Variants in PPA1 observed in about 807,000 individuals in gnomAD.
PPA1 encodes inorganic pyrophosphatase 1.
A neutral mutation model predicts 41.8 loss-of-function variants in PPA1; 23 were observed. The ratio of observed to expected loss-of-function variants is 0.55; its 90% CI spans 0.40 to 0.78. The LOEUF (loss-of-function observed/expected upper bound fraction) is 0.78, where lower values mean the gene tolerates loss of function less well. Ranked by LOEUF, PPA1 falls within the 30% of genes least tolerant of loss-of-function variation. The pLI is 0.00. For missense variants in PPA1, 320 were observed against 361.6 expected, an observed-to-expected ratio of 0.89 and a Z score of 0.93; for synonymous variants, 101 against 116.8, an observed-to-expected ratio of 0.86 and a Z score of 0.87.
chr10:70,221,401 T>C (rs1184427448), intron 2 of PPA1, among the ~76,000 whole-genome samples: 1 of 151,974 alleles, frequency 6.6e-6, no homozygotes, highest in Non-Finnish European at 1.5e-5. Context: ...CCAAGCCTCC[T>C]GATACCTCAC....
In PPA1 at chr10:70,233,421, G is replaced by A. The variant is rs1840316259; in HGVS notation, c.-94C>T. 6.8e-7 allele frequency: 1 copy of A among 1,470,976 alleles called. No homozygotes were observed. The highest frequency in any genetic ancestry group is 9.0e-7 in the Non-Finnish European group (1 of 1,116,282). 91.1% of individuals were successfully genotyped at this position (1,470,976 alleles called of 1,614,324 possible). A position where few individuals can be genotyped will look rare whatever the true frequency, so the allele number is the denominator to read the frequency against. On this transcript the variant is annotated 5_prime_UTR_variant, in exon 1 of 11. Transcript: ENST00000373232. ...AGAGAGCCCCACGCCTGCGCACTGCGAGCACTGGACCGGCGGGCGGGGCGG... is the reference window on the plus strand; with the variant it reads ...AGAGAGCCCCACGCCTGCGCACTGCAAGCACTGGACCGGCGGGCGGGGCGG...
chr10:70,232,669 G>A (rs1840301125), intron 1 of PPA1, among the ~76,000 whole-genome samples: 1 of 152,188 alleles, frequency 6.6e-6, no homozygotes, highest in East Asian at 1.9e-4. Flanking sequence ...CGGCGCTGAG[G>A]GAAAACAGGC....
chr10:70,210,414 TA>T, intron 6 of PPA1: 1 of 1,364,518 alleles, frequency 7.3e-7, no homozygotes, highest in Non-Finnish European at 9.8e-7. Flanking sequence ...ACAACACTAT[TA>T]CATACTAAAA....
Position 70,225,337 on chromosome 10 carries a change from C to A in PPA1, c.123+5004G>T, listed in dbSNP as rs150100597. 2.5e-3 allele frequency among the ~76,000 whole-genome samples: 376 copies of A among 152,128 alleles called. 11 individuals carry two copies. The East Asian group carries it at 0.059, about 24-fold the overall frequency. ...GGCTCAAGTGATCCTCCTACCTCTG[C>A]CTCCTGGACCACAGGCACCTGCCAC... On this transcript the variant is annotated intron_variant, in intron 2 of 10. Coordinates refer to ENST00000373232, the MANE Select transcript of PPA1 (RefSeq NM_021129.4).
intron 1 of PPA1, among the ~76,000 whole-genome samples, chr10:70,230,977 C>T (rs1840284851): frequency 6.6e-6 from 1 of 152,108 alleles, no homozygotes; most frequent in South Asian, 2.1e-4. Flanking sequence ...ACTGATCTTA[C>T]ATCAGTTAAG....
At position 70,217,599 on chromosome 10, in the gene PPA1, G is replaced by A. The variant is rs146558281; in HGVS notation, c.297+213C>T. On this transcript the variant is annotated intron_variant, in intron 4 of 10. Coordinates refer to ENST00000373232, the MANE Select transcript of PPA1 (RefSeq NM_021129.4). ...AGAAATATTTCAGGAAAGAATAAAC[G>A]TTCAAATCTGAATTTAAACATTGTA... Among the ~76,000 whole-genome samples, 10 of 152,258 alleles carry A rather than the reference G, an allele frequency of 6.6e-5. No individual in the cohort carries two copies. In the East Asian group the frequency reaches 9.6e-4, roughly 15 times the overall value.
In PPA1 at chr10:70,206,261, T is replaced by C. The variant is rs771685635; in HGVS notation, c.795+3A>G. 2 of 1,608,004 alleles carry C rather than the reference T, an allele frequency of 1.2e-6. No homozygotes were observed. Among genetic ancestry groups the C allele is most frequent in the South Asian group, 1.1e-5 (1 of 90,874 alleles). On this transcript the variant is annotated splice_donor_region_variant and intron_variant, in intron 9 of 10. Transcript: ENST00000373232. ...TTTTTTTTTTAAGGAAACTTTTACA[T>C]ACAGCATCCACAATGGCTCTGGCAG...
chr10:70,227,598 C>T (rs548940958), intron 2 of PPA1, among the ~76,000 whole-genome samples: 1 of 142,210 alleles, frequency 7.0e-6, no homozygotes, highest in African/African-American at 2.6e-5. Flanking sequence ...CTGCAGTAAG[C>T]CAAGATCATG....
At chr10:70,228,329 T>C (rs1015427279) in intron 2 of PPA1, among the ~76,000 whole-genome samples, 2 of 152,172 alleles carry the variant, frequency 1.3e-5, no homozygotes, top group African/African-American at 2.4e-5. Context: ...TACCAAAACA[T>C]CTATGATCAT....
chr10:70,204,961 A>T, intron 9 of PPA1, 46 bp from the exon 10 acceptor site: 1 of 1,443,354 alleles, frequency 6.9e-7, no homozygotes, highest in Non-Finnish European at 9.5e-7. Flanking sequence ...CTCATTTTTT[A>T]AAAAGCTAAA....
intron 2 of PPA1, among the ~76,000 whole-genome samples, chr10:70,219,066 T>C (rs1485613369): frequency 1.3e-5 from 2 of 152,196 alleles, no homozygotes; most frequent in African/African-American, 4.8e-5. Flanking sequence ...TTAATTTTTA[T>C]TTACTTCTAA....
chr10:70,207,427 G>A (rs1839958386), intron 8 of PPA1, among the ~76,000 whole-genome samples: 1 of 152,104 alleles, frequency 6.6e-6, no homozygotes, highest in African/African-American at 2.4e-5. Flanking sequence ...AGCACTTTTG[G>A]AGGCTGAGGT....
At chr10:70,220,601 T>TTA (rs1554830468) in intron 2 of PPA1, among the ~76,000 whole-genome samples, 1 of 10,268 alleles carries the variant, frequency 9.7e-5, no homozygotes, top group Non-Finnish European at 1.9e-4. Flanking sequence ...TATATATAAT[T>TTA]TATATATATA....
chr10:70,233,138 C>T, intron 1 of PPA1, 126 bp downstream of exon 1: 1 of 1,109,688 alleles, frequency 9.0e-7, no homozygotes, highest in Non-Finnish European at 1.2e-6. Flanking sequence ...CCCCACAACG[C>T]GCCCGAGGAG....
chr10:70,227,457 C>T (rs1289879499), intron 2 of PPA1, among the ~76,000 whole-genome samples: 1 of 152,100 alleles, frequency 6.6e-6, no homozygotes, highest in Non-Finnish European at 1.5e-5. Context: ...CGAGACCAGC[C>T]TGGGCAACAT....
intron 6 of PPA1, among the ~76,000 whole-genome samples, chr10:70,212,933 T>C (rs1334354770): frequency 6.6e-6 from 1 of 151,790 alleles, no homozygotes; most frequent in Non-Finnish European, 1.5e-5. Flanking sequence ...GCCACCTATA[T>C]GATGCCATTT....
chr10:70,214,888 T>C (rs979419249), intron 4 of PPA1, among the ~76,000 whole-genome samples: 6 of 152,096 alleles, frequency 3.9e-5, no homozygotes, highest in Non-Finnish European at 7.4e-5. Context: ...GACCCAAACG[T>C]TTACTTTAAA....
chr10:70,222,069 C>T (rs564070277), intron 2 of PPA1, among the ~76,000 whole-genome samples: 1 of 151,988 alleles, frequency 6.6e-6, no homozygotes, highest in Non-Finnish European at 1.5e-5. Context: ...GGGGTGGTGG[C>T]TCACACCTGT....
chr10:70,224,402 T>C (rs891524965), intron 2 of PPA1, among the ~76,000 whole-genome samples: 1 of 152,122 alleles, frequency 6.6e-6, no homozygotes, highest in African/African-American at 2.4e-5. Flanking sequence ...TAATCAAAAA[T>C]ATTTAAAATA....
Sources: allele counts gnomAD v4.1 joint callset (sites outside exome capture counted in the v4.1 genomes callset), GRCh38; gene constraint gnomAD v4.1.1; transcripts MANE v1.5; gene names NCBI Gene and HGNC (gene_info 2026-07-23, HGNC 2026-07-21).